The following SEC14L4 variants were observed in gnomAD, a reference collection of about 807,000 sequenced individuals.
SEC14L4 encodes SEC14 like lipid binding 4.
Under a neutral mutation model 55.1 loss-of-function variants are expected in SEC14L4, and 42 were observed. The observed-to-expected ratio is 0.76, with a 90% CI of 0.60 to 0.99. The LOEUF (loss-of-function observed/expected upper bound fraction) is 0.99, where lower values mean the gene tolerates loss of function less well. Among genes scored for constraint, SEC14L4 ranks in the 50% least tolerant of loss-of-function variants. The pLI is 0.00. For missense variants in SEC14L4, 445 were observed against 512.1 expected, an observed-to-expected ratio of 0.87 and a Z score of 1.27; for synonymous variants, 206 against 206.8, an observed-to-expected ratio of 1.00 and a Z score of 0.03.
chr22:30,502,014 G>A (rs1936346234), intron 2 of SEC14L4, among the ~76,000 whole-genome samples: 2 of 151,042 alleles, frequency 1.3e-5, no homozygotes, highest in Admixed American at 1.3e-4. Context: ...CTACAGGCAC[G>A]TGCCACCACA....
rs2075550631 is a variant in SEC14L4, at chr22:30,495,628, C to T, written c.189G>A (p.Arg63=). The part of the protein sequence containing the change: ...EDMLRRHMEF[R]KQQDLDNIVT... ...CAATGTTGTCCAGGTCTTGTTGCTT[C>T]CGGAACTCCATGTGCTGCAGGAACA... The change falls in exon 4 of 12, where the codon CGG becomes CGA. Residue 63 remains arginine (R), a synonymous_variant. Transcript: ENST00000255858. 6.2e-7 allele frequency: 1 copy of T among 1,613,964 alleles called. No homozygotes were observed. The highest frequency in any genetic ancestry group is 1.1e-5 in the South Asian group (1 of 91,078).
rs1935896924 is a variant in SEC14L4, at chr22:30,489,977, G to A, written c.*130C>T. 1.3e-6 allele frequency: 2 copies of A among 1,554,958 alleles called. No individual in the cohort carries two copies. Among genetic ancestry groups the A allele is most frequent in the South Asian group, 2.4e-5 (2 of 84,710 alleles). ...CCACTGTGCCAGGTGAGCCTACAAT[G>A]AGATGAAATGGTGACGTGGGACAAG... On this transcript the variant is annotated 3_prime_UTR_variant, in exon 12 of 12. Transcript: ENST00000255858.
chr22:30,491,271 C>T (rs944861973), intron 11 of SEC14L4, among the ~76,000 whole-genome samples: 1 of 152,138 alleles, frequency 6.6e-6, no homozygotes, highest in African/African-American at 2.4e-5. Context: ...GTCCCCTTGC[C>T]AAGACCCCTG....
chr22:30,503,855 A>G (rs1418701665), intron 1 of SEC14L4, 103 bp from the exon 2 acceptor site: 1 of 837,574 alleles, frequency 1.2e-6, no homozygotes. Flanking sequence ...CAACTCCACC[A>G]GAAGACCATG....
chr22:30,495,718 C>T, intron 3 of SEC14L4, 76 bp from the exon 4 acceptor site: 1 of 1,611,480 alleles, frequency 6.2e-7, no homozygotes, highest in Non-Finnish European at 8.5e-7. Flanking sequence ...TGCCCACAGC[C>T]ACCAAGATCC....
In SEC14L4 at chr22:30,491,917, C is replaced by T; in HGVS notation, c.828G>A (p.Leu276=). ...CCACGGACCTCGTGTGCTCATACTG[C>T]AGCCTCACCTGCTCGCACAGGTAGT... The part of the protein sequence containing the change: ...KSYYLCEQVR[L]QYEHTRSVGR... The change falls in exon 10 of 12, where the codon CTG becomes CTA. Residue 276 remains leucine (L), a synonymous_variant. Coordinates refer to ENST00000255858, the MANE Select transcript of SEC14L4 (RefSeq NM_174977.4). 6.2e-7 allele frequency: 1 copy of T among 1,613,944 alleles called. No homozygotes were observed. Among genetic ancestry groups the T allele is most frequent in the East Asian group, 2.2e-5 (1 of 44,884 alleles).
At chr22:30,490,318 T>G in intron 11 of SEC14L4, 72 bp from the exon 12 acceptor site, 2 of 1,596,656 alleles carry the variant, frequency 1.3e-6, no homozygotes, top group Non-Finnish European at 1.7e-6. Flanking sequence ...CCTGCATGGG[T>G]GCATCCCTGG....
intron 11 of SEC14L4, among the ~76,000 whole-genome samples, chr22:30,490,866 G>C (rs1252053404): frequency 6.6e-6 from 1 of 152,144 alleles, no homozygotes; most frequent in East Asian, 1.9e-4. Flanking sequence ...GCTACCCCAG[G>C]AGGAATGGGC....
intron 1 of SEC14L4, among the ~76,000 whole-genome samples, chr22:30,504,302 G>A (rs940465691): frequency 1.7e-4 from 25 of 150,112 alleles, no homozygotes; most frequent in African/African-American, 5.4e-4. Flanking sequence ...CAATCCACCC[G>A]CCTTAGTATC....
At chr22:30,500,081 GC>G (rs1936273422) in intron 2 of SEC14L4, among the ~76,000 whole-genome samples, 1 of 152,026 alleles carries the variant, frequency 6.6e-6, no homozygotes, top group African/African-American at 2.4e-5. Flanking sequence ...TGTTGGTCAG[GC>G]TTTTCTCGAA....
intron 11 of SEC14L4, chr22:30,491,353 C>G: frequency 1.7e-6 from 1 of 597,956 alleles, no homozygotes; most frequent in South Asian, 2.1e-5. Flanking sequence ...TTCTTAGGAG[C>G]TGAGCCCAAG....
chr22:30,492,145 C>T lies in SEC14L4; in HGVS notation c.675G>A (p.Lys225=). Reference sequence around the variant, plus strand: ...GGCTGATGAATTTTGTCAGCTCCTGCTTCCAGTTGTCTGCATGGGAGCAAG... The same window carrying T: ...GGCTGATGAATTTTGTCAGCTCCTGTTTCCAGTTGTCTGCATGGGAGCAAG... ...RKIVILGDNW[K]QELTKFISPD... The change falls in exon 9 of 12, where the codon AAG becomes AAA. Residue 225 remains lysine, a synonymous_variant. Coordinates refer to ENST00000255858, the MANE Select transcript of SEC14L4 (RefSeq NM_174977.4). 6.2e-7 allele frequency: 1 copy of T among 1,611,880 alleles called. No homozygotes were observed. Among genetic ancestry groups the T allele is most frequent in the Non-Finnish European group, 8.5e-7 (1 of 1,178,932 alleles).
chr22:30,497,830 G>A (rs978928461), intron 2 of SEC14L4, among the ~76,000 whole-genome samples: 6 of 152,134 alleles, frequency 3.9e-5, no homozygotes, highest in Non-Finnish European at 4.4e-5. Context: ...CAAAGAGAAC[G>A]TTCTGTGATG....
intron 7 of SEC14L4, among the ~76,000 whole-genome samples, chr22:30,493,152 G>T (rs8137267): frequency 4.6e-5 from 7 of 151,438 alleles, no homozygotes; most frequent in African/African-American, 1.2e-4. Flanking sequence ...CCAGTTGTAA[G>T]GGATTGGGCA....
In SEC14L4 at chr22:30,505,642, G is replaced by A. The variant is rs1159552826; in HGVS notation, c.-31C>T. The A allele has an allele frequency of 1.5e-5, 23 of 1,529,122 alleles. No homozygotes were observed. In the Admixed American group the frequency reaches 2.6e-4, roughly 17 times the overall value. 94.7% of individuals were successfully genotyped at this position (1,529,122 alleles called of 1,614,324 possible). On this transcript the variant is annotated 5_prime_UTR_variant, in exon 1 of 12. Coordinates refer to ENST00000255858, the MANE Select transcript of SEC14L4 (RefSeq NM_174977.4). ...CCGCGGGCGCAGAAAGGCTCAGGGCGCAGGTCCGCCCGCCCGCCGCCGCCT... is the reference window on the plus strand; with the variant it reads ...CCGCGGGCGCAGAAAGGCTCAGGGCACAGGTCCGCCCGCCCGCCGCCGCCT...
At chr22:30,491,336 T>C in intron 11 of SEC14L4, 1 of 583,660 alleles carries the variant, frequency 1.7e-6, no homozygotes, top group Admixed American at 3.0e-5. Context: ...GATCCCGGTA[T>C]AGGGGCTTCT....
chr22:30,490,137 G>A lies in SEC14L4; in HGVS notation c.1191C>T (p.Leu397=), dbSNP rs768431386. The change falls in exon 12 of 12, where the codon CTC becomes CTT. Residue 397 remains leucine, a synonymous_variant. Coordinates refer to ENST00000255858, the MANE Select transcript of SEC14L4 (RefSeq NM_174977.4). Reference sequence around the variant, plus strand: ...GTGTTGGGGAGGGTCTCATCGCCTTGAGACTCTGCAGCGTCTCCTCAGAGG... The same window carrying A: ...GTGTTGGGGAGGGTCTCATCGCCTTAAGACTCTGCAGCGTCTCCTCAGAGG... The part of the protein sequence containing the change: ...DKASEETLQS[L]KAMRPSPTQ 5 of 1,614,030 alleles carry A rather than the reference G, an allele frequency of 3.1e-6. No homozygotes were observed. Among genetic ancestry groups the A allele is most frequent in the Non-Finnish European group, 3.4e-6 (4 of 1,180,020 alleles).
chr22:30,503,346 C>A lies in SEC14L4; in HGVS notation c.130+331G>T, dbSNP rs567013297. Among the ~76,000 whole-genome samples, 36 of 151,868 alleles carry A rather than the reference C, an allele frequency of 2.4e-4. No individual in the cohort carries two copies. In the East Asian group the frequency reaches 5.2e-3, roughly 22 times the overall value. On this transcript the variant is annotated intron_variant, in intron 2 of 11. Transcript: ENST00000255858. ...ATGGCGGGATCTCGGCTTACCGCAA[C>A]CTCTGCCTCCCGGGTTCAAGCGATT...
In SEC14L4 at chr22:30,501,846, C is replaced by CATATATATATATATATAT. The variant is rs3067218; in HGVS notation, c.130+1813_130+1830dup. On this transcript the variant is annotated intron_variant, in intron 2 of 11. Coordinates refer to ENST00000255858, the MANE Select transcript of SEC14L4 (RefSeq NM_174977.4). ...TTATATATATATACACACACACGCA[C>CATATATATATATATATAT]ATATATATATATATATATATATATA... Among the ~76,000 whole-genome samples, 512 of 111,756 alleles carry CATATATATATATATATAT rather than the reference C, an allele frequency of 4.6e-3. 6 individuals are homozygous for CATATATATATATATATAT. Among genetic ancestry groups the CATATATATATATATATAT allele is most frequent in the Non-Finnish European group, 5.6e-3 (314 of 55,998 alleles). 73.3% of individuals were successfully genotyped at this position (111,756 alleles called of 152,430 possible).
Sources: allele counts gnomAD v4.1 joint callset (sites outside exome capture counted in the v4.1 genomes callset), GRCh38; gene constraint gnomAD v4.1.1; transcripts MANE v1.5; gene names NCBI Gene and HGNC (gene_info 2026-07-23, HGNC 2026-07-21).